ARHGAP22: variants seen among roughly 807,000 people sequenced by gnomAD.
ARHGAP22 encodes the protein rho GTPase-activating protein 22.
A neutral mutation model predicts 59.1 loss-of-function variants in ARHGAP22; 48 were observed. The observed-to-expected ratio is 0.81, with a 90% CI of 0.64 to 1.03. The LOEUF is 1.03. Among genes scored for constraint, ARHGAP22 ranks in the 50% least tolerant of loss-of-function variants. The pLI is 0.00. For missense variants in ARHGAP22, 1,015 were observed against 958.7 expected (o/e 1.06, Z -0.78); for synonymous variants, 445 against 416.4 (o/e 1.07, Z -0.84).
rs1474946081 is a variant in ARHGAP22 at position 48,459,618 on chromosome 10, C to T, written c.659+66G>A. The T allele has an allele frequency of 3.8e-5, 60 of 1,563,942 alleles. 1 individual carries two copies. In the South Asian group the frequency reaches 6.7e-4, roughly 18 times the overall value. On this transcript the variant is annotated intron_variant, in intron 5 of 9. Coordinates refer to ENST00000249601, the MANE Select transcript of ARHGAP22 (RefSeq NM_021226.4). ...ACCCCTGCCCACTGGAGCTGGTGTC[C>T]TGGGCAGGAGCCCCTGCAGGAGGAA...
At chr10:48,468,751 T>A (rs1169576590) in intron 4 of ARHGAP22, among the ~76,000 whole-genome samples, 1 of 152,182 alleles carries the variant, frequency 6.6e-6, no homozygotes, top group East Asian at 1.9e-4. Flanking sequence ...CCCCTTACAT[T>A]TTGTGCCCCA....
At chr10:48,583,352 C>T (rs2059233470) in intron 1 of ARHGAP22, among the ~76,000 whole-genome samples, 200 bp from the exon 2 acceptor site, 1 of 152,236 alleles carries the variant, frequency 6.6e-6, no homozygotes, top group Non-Finnish European at 1.5e-5. Context: ...AGTGATCCCC[C>T]TGGGGTAGGG....
chr10:48,586,371 G>C (rs1475077543), intron 1 of ARHGAP22, among the ~76,000 whole-genome samples: 1 of 152,164 alleles, frequency 6.6e-6, no homozygotes, highest in Non-Finnish European at 1.5e-5. Flanking sequence ...GCTGGCAGAG[G>C]GGAGACAGCA....
rs369143441 is a variant in ARHGAP22 at position 48,450,636 on chromosome 10, G to A, written c.1493C>T (p.Pro498Leu). Reference protein sequence around the residue: ...RLSTYDNVPAPGLVPGIPSVA... With the variant: ...RLSTYDNVPALGLVPGIPSVA... ...GCTGGGTATGCCGGGGACCAGGCCC[G>A]GCGCGGGCACATTGTCGTAGGTGGA... is the stretch of plus-strand genomic sequence containing the variant. Residue 498 changes from proline to leucine, a missense_variant, in exon 9 of 10, where the codon CCG becomes CTG. Pro to Leu is a moderately conservative substitution (Grantham distance 98). Coordinates refer to ENST00000249601, the MANE Select transcript of ARHGAP22 (RefSeq NM_021226.4). 4.1e-5 allele frequency: 64 copies of A among 1,549,652 alleles called. No individual in the cohort carries two copies. In the African/African-American group the frequency reaches 7.7e-4, roughly 19 times the overall value.
intron 3 of ARHGAP22, among the ~76,000 whole-genome samples, chr10:48,537,911 C>T (rs3910906): frequency 2.4e-3 from 360 of 152,282 alleles, no homozygotes; most frequent in African/African-American, 6.6e-3. Flanking sequence ...CTTGGTCTTC[C>T]GGCCCCTGAG....
Position 48,455,001 on chromosome 10 carries a change from C to A in ARHGAP22, c.792+1G>T. ...AGGAGCTATCCCCAGGAGCCACTGACCTCCCCCTCGTCCTTGGTGAGCAGC... is the reference window on the plus strand; with the variant it reads ...AGGAGCTATCCCCAGGAGCCACTGAACTCCCCCTCGTCCTTGGTGAGCAGC... On this transcript the variant is annotated splice_donor_variant, in intron 6 of 9. Coordinates refer to ENST00000249601, the MANE Select transcript of ARHGAP22 (RefSeq NM_021226.4). LOFTEE classifies it high-confidence loss of function. The A allele has an allele frequency of 6.3e-7, 1 of 1,593,168 alleles. No individual in the cohort carries two copies. The highest frequency in any genetic ancestry group is 8.6e-7 in the Non-Finnish European group (1 of 1,166,002).
intron 1 of ARHGAP22, among the ~76,000 whole-genome samples, chr10:48,629,549 C>T (rs2061560355): frequency 6.6e-6 from 1 of 152,174 alleles, no homozygotes; most frequent in Admixed American, 6.5e-5. Flanking sequence ...ATTTCTATTT[C>T]TCTATTTGAT....
chr10:48,500,259 ACTTGAC>A (rs1318087277), intron 3 of ARHGAP22, among the ~76,000 whole-genome samples: 3 of 152,164 alleles, frequency 2.0e-5, no homozygotes, highest in African/African-American at 7.2e-5. Flanking sequence ...TAGGAGGGTA[ACTTGAC>A]CTCAGCAGAG....
chr10:48,454,915 C>A, intron 6 of ARHGAP22, 87 bp downstream of exon 6: 1 of 1,288,002 alleles, frequency 7.8e-7, no homozygotes, highest in Non-Finnish European at 1.0e-6. Flanking sequence ...CATGAAAATT[C>A]ATGAAAAGTC....
intron 1 of ARHGAP22, among the ~76,000 whole-genome samples, chr10:48,640,018 G>C (rs1303434110): frequency 6.6e-6 from 1 of 152,126 alleles, no homozygotes; most frequent in Non-Finnish European, 1.5e-5. Context: ...ATTTCAATGA[G>C]ATAGAAAATA....
downstream of ARHGAP22, chr10:48,444,362 T>TGAC (rs1554842218): frequency 1.3e-5 from 2 of 152,214 alleles, no homozygotes; most frequent in East Asian, 3.8e-4. Flanking sequence ...TCAGTGTGCC[T>TGAC]GACAGTCAAG....
At chr10:48,561,867 A>G (rs4838423) in intron 2 of ARHGAP22, among the ~76,000 whole-genome samples, 149,912 of 152,300 alleles carry the variant, frequency 0.98, 73,821 homozygotes, top group Middle Eastern at 1. Context: ...GAGAATTCTT[A>G]TACACTGTTG....
At chr10:48,539,583 G>A (rs550938105) in intron 3 of ARHGAP22, among the ~76,000 whole-genome samples, 11 of 152,190 alleles carry the variant, frequency 7.2e-5, no homozygotes, top group Middle Eastern at 3.4e-3. Flanking sequence ...GAGCCACCAC[G>A]CCCGGCCAAC....
chr10:48,435,054 A>AG, the ARHGAP22 span: 1 of 373,718 alleles, frequency 2.7e-6, no homozygotes, highest in South Asian at 2.5e-5. Context: ...GGGGGGTGGG[A>AG]GGGATGGGGA....
intron 3 of ARHGAP22, among the ~76,000 whole-genome samples, chr10:48,483,746 C>G (rs1589672480): frequency 6.6e-6 from 1 of 151,890 alleles, no homozygotes; most frequent in Non-Finnish European, 1.5e-5. Flanking sequence ...GTTTTGCCAG[C>G]TGAGTTCCTT....
Position 48,458,125 on chromosome 10 carries a change from C to T in ARHGAP22, c.659+1559G>A, listed in dbSNP as rs1365956129. ...AGAGGAAACCAAAGCCCAGGGCCAC[C>T]GTGGCAGTATGGGGGTCACTGCTGA... is the stretch of plus-strand genomic sequence containing the variant. On this transcript the variant is annotated intron_variant, in intron 5 of 9. Transcript: ENST00000249601. Among the ~76,000 whole-genome samples, 5 of 151,986 alleles carry T rather than the reference C, an allele frequency of 3.3e-5. No homozygotes were observed. The East Asian group carries it at 5.8e-4, about 18-fold the overall frequency.
At chr10:48,529,471 G>A (rs915714708) in intron 3 of ARHGAP22, among the ~76,000 whole-genome samples, 8 of 152,162 alleles carry the variant, frequency 5.3e-5, no homozygotes, top group African/African-American at 1.7e-4. Flanking sequence ...TTTCCCTGTC[G>A]TCAGGGAAAG....
At chr10:48,463,351 G>A (rs1867579) in intron 4 of ARHGAP22, among the ~76,000 whole-genome samples, 87,625 of 152,128 alleles carry the variant, frequency 0.58, 28,453 homozygotes, top group Non-Finnish European at 0.72. Context: ...AAGTAGGAAA[G>A]GTAGCAATGG....
At chr10:48,521,827 G>A (rs2053832974) in intron 3 of ARHGAP22, among the ~76,000 whole-genome samples, 1 of 152,232 alleles carries the variant, frequency 6.6e-6, no homozygotes, top group African/African-American at 2.4e-5. Flanking sequence ...GTTCCCTAGG[G>A]AAAGGTGTGG....
Sources: gnomAD v4.1 joint callset for allele counts (sites outside exome capture counted in the v4.1 genomes callset) on GRCh38, gnomAD v4.1.1 for gene constraint, MANE v1.5 for transcripts, NCBI Gene and HGNC (gene_info 2026-07-23, HGNC 2026-07-21) for gene names.